Variants in LIPC observed in about 807,000 individuals in gnomAD.
The protein encoded by LIPC is hepatic triacylglycerol lipase.
LIPC carries 44 observed loss-of-function variants against 50.7 expected under a neutral mutation model. That is an observed-to-expected ratio of 0.87 (90% CI 0.68 to 1.11). The LOEUF (loss-of-function observed/expected upper bound fraction) is 1.11, where lower values mean the gene tolerates loss of function less well. Among genes scored for constraint, LIPC ranks in the 50% most tolerant of loss-of-function variants. LIPC has a pLI of 0.00. For synonymous variants in LIPC, 271 were observed against 256.4 expected (o/e 1.06, Z -0.54); for missense variants, 697 against 648.2 (o/e 1.08, Z -0.82).
At chr15:58,547,288 C>T (rs756160225) in intron 5 of LIPC, among the ~76,000 whole-genome samples, 83 of 152,318 alleles carry the variant, frequency 5.4e-4, no homozygotes, top group Admixed American at 1.2e-3. Flanking sequence ...CCTTCACTAC[C>T]TCCTGGGTGG....
intron 1 of LIPC, among the ~76,000 whole-genome samples, chr15:58,461,064 G>A (rs988338277): frequency 1.3e-5 from 2 of 152,166 alleles, no homozygotes; most frequent in African/African-American, 4.8e-5. Context: ...CCAGAAGTGA[G>A]GTGAGGACGG....
At chr15:58,477,664 C>A (rs1486832276) in intron 1 of LIPC, among the ~76,000 whole-genome samples, 9 of 152,118 alleles carry the variant, frequency 5.9e-5, no homozygotes, top group Non-Finnish European at 1.2e-4. Flanking sequence ...CCATTGGAAG[C>A]TCCCCCAGTG....
intron 1 of LIPC, among the ~76,000 whole-genome samples, chr15:58,519,272 G>T (rs573994707): frequency 6.6e-6 from 1 of 151,926 alleles, no homozygotes; most frequent in Non-Finnish European, 1.5e-5. Context: ...TTAGCCGAGC[G>T]TGGTGGCAGG....
chr15:58,498,409 G>A (rs1891851622), intron 1 of LIPC, among the ~76,000 whole-genome samples: 1 of 152,032 alleles, frequency 6.6e-6, no homozygotes, highest in Non-Finnish European at 1.5e-5. Flanking sequence ...TATCAATAGG[G>A]GCCATATTGC....
intron 6 of LIPC, among the ~76,000 whole-genome samples, chr15:58,551,215 C>T (rs1035438280): frequency 3.9e-5 from 6 of 152,064 alleles, no homozygotes; most frequent in African/African-American, 1.2e-4. Flanking sequence ...AGTCCTCACC[C>T]GCTCAACCCA....
At position 58,432,083 on chromosome 15, in the gene LIPC, T is replaced by C. The variant is rs959504349; in HGVS notation, c.51T>C (p.Phe17=). The C allele has an allele frequency of 4.3e-6, 7 of 1,613,998 alleles. No individual in the cohort carries two copies. The African/African-American group carries it at 6.7e-5, about 15-fold the overall frequency. The stretch of plus-strand genomic sequence containing the variant: ...CCATTCTGTTGGTTTTATGCATCTT[T>C]ATCCAATCAAGTGCCCTTGGACAAA... ...CFSILLVLCI[F]IQSSALGQSL... Residue 17 remains phenylalanine (F), a synonymous_variant, in exon 1 of 9, where the codon TTT becomes TTC. Coordinates refer to ENST00000299022, the MANE Select transcript of LIPC (RefSeq NM_000236.3).
intron 1 of LIPC, among the ~76,000 whole-genome samples, chr15:58,495,548 G>A (rs1257713574): frequency 8.5e-5 from 13 of 152,330 alleles, no homozygotes; most frequent in African/African-American, 2.6e-4. Flanking sequence ...CTGTGTGCCA[G>A]GCACTGTTCT....
chr15:58,563,744 C>G, intron 8 of LIPC, 21 bp downstream of exon 8: 2 of 1,598,436 alleles, frequency 1.3e-6, no homozygotes, highest in Non-Finnish European at 1.7e-6. Flanking sequence ...ATTCAATCTC[C>G]TATTAACGTC....
At chr15:58,439,111 G>T (rs1302348744) in intron 1 of LIPC, among the ~76,000 whole-genome samples, 1 of 152,154 alleles carries the variant, frequency 6.6e-6, no homozygotes, top group African/African-American at 2.4e-5. Flanking sequence ...AGATGTGTAG[G>T]TGGCGACGCT....
intron 1 of LIPC, among the ~76,000 whole-genome samples, chr15:58,455,663 A>G (rs1202091951): frequency 1.3e-5 from 2 of 152,240 alleles, no homozygotes; most frequent in Non-Finnish European, 2.9e-5. Context: ...ATTTGCCACC[A>G]TAGGTTGACT....
chr15:58,520,578 C>T (rs10518983), intron 1 of LIPC, among the ~76,000 whole-genome samples: 7,754 of 152,228 alleles, frequency 0.051, 641 homozygotes, highest in African/African-American at 0.18. Context: ...ACAGAATTTC[C>T]TCAGTTGCAT....
intron 1 of LIPC, among the ~76,000 whole-genome samples, chr15:58,525,515 G>A (rs548163848): frequency 1.3e-5 from 2 of 152,350 alleles, no homozygotes; most frequent in Admixed American, 1.3e-4. Context: ...TATGCCTGCA[G>A]GCATCCAACC....
chr15:58,548,696 CTG>C, intron 6 of LIPC, 124 bp downstream of exon 6: 1 of 1,313,762 alleles, frequency 7.6e-7, no homozygotes. Context: ...GTTTCTGAAA[CTG>C]TGCAGGCTCC....
intron 6 of LIPC, among the ~76,000 whole-genome samples, chr15:58,555,300 G>A (rs1459524043): frequency 1.3e-5 from 2 of 152,190 alleles, no homozygotes; most frequent in African/African-American, 4.8e-5. Context: ...ACGTTTAGGG[G>A]ACAGGAGAGC....
At chr15:58,436,579 A>T (rs11638143) in intron 1 of LIPC, 4,266 of 303,456 alleles carry the variant, frequency 0.014, 89 homozygotes, top group African/African-American at 0.053. Context: ...TATGACTGAA[A>T]ATACTTTTGT....
intron 1 of LIPC, among the ~76,000 whole-genome samples, chr15:58,537,600 T>C (rs1016155109): frequency 2.6e-5 from 4 of 152,114 alleles, no homozygotes; most frequent in Non-Finnish European, 4.4e-5. Context: ...GTATGCAAGG[T>C]TGCATGCCTG....
chr15:58,488,305 G>A (rs1270294410), intron 1 of LIPC, among the ~76,000 whole-genome samples: 1 of 152,174 alleles, frequency 6.6e-6, no homozygotes, highest in Non-Finnish European at 1.5e-5. Flanking sequence ...CAATTCCTGA[G>A]ACTCCTTCCA....
intron 1 of LIPC, among the ~76,000 whole-genome samples, chr15:58,511,204 T>C (rs1260538670): frequency 2.6e-5 from 4 of 152,206 alleles, no homozygotes; most frequent in African/African-American, 9.6e-5. Flanking sequence ...TCTTGTGTAA[T>C]TCTGGCATGT....
At chr15:58,478,221 AC>A (rs1198723505) in intron 1 of LIPC, among the ~76,000 whole-genome samples, 1 of 151,108 alleles carries the variant, frequency 6.6e-6, no homozygotes, top group Non-Finnish European at 1.5e-5. Context: ...TCACAAACTC[AC>A]TCTCACATTT....
Sources: gnomAD v4.1 joint callset for allele counts (sites outside exome capture counted in the v4.1 genomes callset) on GRCh38, gnomAD v4.1.1 for gene constraint, MANE v1.5 for transcripts, NCBI Gene and HGNC (gene_info 2026-07-23, HGNC 2026-07-21) for gene names.